Variants in ATP9B observed in about 807,000 individuals in gnomAD.
The protein encoded by ATP9B is ATPase phospholipid transporting 9B.
ATP9B carries 110 observed loss-of-function variants against 146.1 expected under a neutral mutation model. That is an observed-to-expected ratio of 0.75 (90% CI 0.65 to 0.88). The LOEUF is 0.88. Among genes scored for constraint, ATP9B ranks in the 40% least tolerant of loss-of-function variants. The pLI, the probability that ATP9B is intolerant of heterozygous loss-of-function variation, is 0.00. For synonymous variants in ATP9B, 604 were observed against 569.7 expected (o/e 1.06, Z -0.86); for missense variants, 1,499 against 1,496.4 (o/e 1.00, Z -0.03).
chr18:79,374,696 G>A (rs976866624), intron 28 of ATP9B, among the ~76,000 whole-genome samples: 23 of 152,374 alleles, frequency 1.5e-4, no homozygotes, highest in Admixed American at 2.0e-4. Context: ...GAACCTGTAC[G>A]TAGGAAAATG....
chr18:79,312,916 T>G (rs1345770862), intron 15 of ATP9B, among the ~76,000 whole-genome samples: 3 of 152,224 alleles, frequency 2.0e-5, no homozygotes, highest in African/African-American at 7.2e-5. Flanking sequence ...TGGGATCAGT[T>G]GAAGTATTAG....
chr18:79,155,969 A>G (rs1248704597), intron 7 of ATP9B, among the ~76,000 whole-genome samples: 33 of 151,730 alleles, frequency 2.2e-4, no homozygotes, highest in Non-Finnish European at 8.8e-5. Flanking sequence ...TCACCATGTT[A>G]GCCAGGATGG....
intron 6 of ATP9B, among the ~76,000 whole-genome samples, chr18:79,150,652 A>G (rs894724674): frequency 6.6e-6 from 1 of 152,214 alleles, no homozygotes; most frequent in African/African-American, 2.4e-5. Context: ...ATAGAAAATA[A>G]GACAGAATAA....
chr18:79,207,066 G>A, intron 10 of ATP9B, 54 bp downstream of exon 10: 1 of 1,544,970 alleles, frequency 6.5e-7, no homozygotes, highest in South Asian at 1.1e-5. Context: ...ATGATGCTTT[G>A]TTTTGTCCAG....
intron 12 of ATP9B, among the ~76,000 whole-genome samples, chr18:79,272,277 G>A (rs1476697954): frequency 2.6e-5 from 4 of 152,216 alleles, no homozygotes; most frequent in Non-Finnish European, 4.4e-5. Context: ...AGATCAAATA[G>A]CATGCTTCCA....
intron 17 of ATP9B, among the ~76,000 whole-genome samples, chr18:79,335,037 G>A (rs899568946): frequency 4.0e-5 from 6 of 151,854 alleles, no homozygotes; most frequent in Non-Finnish European, 7.4e-5. Flanking sequence ...TGTCCTTCAC[G>A]TCACCACAAC....
intron 20 of ATP9B, chr18:79,344,037 T>C (rs1485169606): frequency 3.5e-6 from 2 of 576,974 alleles, no homozygotes; most frequent in Non-Finnish European, 6.2e-6. Context: ...CTGCTTGCAG[T>C]TGCCACAAAT....
At chr18:79,200,145 C>A (rs2095454719) in intron 9 of ATP9B, among the ~76,000 whole-genome samples, 2 of 152,178 alleles carry the variant, frequency 1.3e-5, no homozygotes, top group African/African-American at 4.8e-5. Context: ...CCACCGTCAC[C>A]ACAAACACGT....
intron 29 of ATP9B, 121 bp from the exon 30 acceptor site, chr18:79,377,126 C>G: frequency 8.4e-7 from 1 of 1,185,162 alleles, no homozygotes; most frequent in Non-Finnish European, 1.2e-6. Context: ...TGTAAATGCA[C>G]AGTGATGTTT....
At chr18:79,327,726 C>G (rs1232949923) in intron 15 of ATP9B, among the ~76,000 whole-genome samples, 1 of 141,304 alleles carries the variant, frequency 7.1e-6, no homozygotes, top group East Asian at 2.2e-4. Context: ...TTAGCGTGCT[C>G]GCCGTGGTTA....
intron 1 of ATP9B, among the ~76,000 whole-genome samples, chr18:79,073,664 C>T (rs900165182): frequency 5.9e-5 from 9 of 151,998 alleles, no homozygotes; most frequent in Non-Finnish European, 8.8e-5. Flanking sequence ...AAGCGGGAGA[C>T]GGAGACGACG....
At chr18:79,195,330 C>G (rs2095408420) in intron 9 of ATP9B, among the ~76,000 whole-genome samples, 1 of 152,172 alleles carries the variant, frequency 6.6e-6, no homozygotes, top group African/African-American at 2.4e-5. Flanking sequence ...TCATTGCAAC[C>G]TCAAACTCCT....
At chr18:79,224,007 A>G (rs1023526297) in intron 11 of ATP9B, among the ~76,000 whole-genome samples, 2 of 152,218 alleles carry the variant, frequency 1.3e-5, no homozygotes, top group African/African-American at 4.8e-5. Flanking sequence ...TCTATCACAG[A>G]AAAGACTTAG....
chr18:79,126,408 T>A, intron 5 of ATP9B, 33 bp downstream of exon 5: 1 of 1,443,142 alleles, frequency 6.9e-7, no homozygotes, highest in Non-Finnish European at 9.6e-7. Flanking sequence ...GCTTAGCGTT[T>A]GCTTACTGTA....
intron 25 of ATP9B, among the ~76,000 whole-genome samples, chr18:79,349,894 A>ACCCCCCCCCCCCCCCCCCCCCCCCC (rs33953089): frequency 8.7e-6 from 1 of 114,704 alleles, no homozygotes; most frequent in Admixed American, 9.3e-5. Context: ...GAGGCCCCGC[A>ACCCCCCCCCCCCCCCCCCCCCCCCC]CCCCCCCCCC....
Position 79,307,126 on chromosome 18 carries a change from C to G in ATP9B, c.1665C>G (p.Thr555=), listed in dbSNP as rs1217429923. The change falls in exon 15 of 30, where the codon ACC becomes ACG. Residue 555 remains threonine, a synonymous_variant. Transcript: ENST00000426216. ...CCATCGTGCTGTGTCACAACGTGAC[C>G]CCCGTGTATGAGTCTCGGGCCGGCG... ...VKAIVLCHNV[T]PVYESRAGVT... 7 of 1,614,062 alleles carry G rather than the reference C, an allele frequency of 4.3e-6. No individual in the cohort carries two copies. The African/African-American group carries it at 8.0e-5, about 18-fold the overall frequency.
At chr18:79,083,439 G>T (rs956825809) in intron 1 of ATP9B, among the ~76,000 whole-genome samples, 1 of 152,130 alleles carries the variant, frequency 6.6e-6, no homozygotes, top group South Asian at 2.1e-4. Context: ...GGCATTCCAG[G>T]CGCCACTGGG....
intron 13 of ATP9B, among the ~76,000 whole-genome samples, chr18:79,282,060 G>A (rs944040121): frequency 2.0e-5 from 3 of 152,236 alleles, no homozygotes; most frequent in Non-Finnish European, 4.4e-5. Context: ...AGCCGCAGGT[G>A]TGGTGAAAAT....
chr18:79,303,604 G>T lies in ATP9B; in HGVS notation c.1412G>T (p.Gly471Val). ...TTTGCTGTTGTCCCCTTTATCCTAG[G>T]AACCCTCACCCAGAATGAAATGATA... ...RLVYLLTDKT[G>V]TLTQNEMIFK... Residue 471 changes from glycine (G) to valine (V), a missense_variant and splice_region_variant, in exon 14 of 30, where the codon GGA (glycine) becomes GTA (valine). Coordinates refer to ENST00000426216, the MANE Select transcript of ATP9B (RefSeq NM_198531.5). The T allele has an allele frequency of 6.2e-7, 1 of 1,613,452 alleles. No individual in the cohort carries two copies. The highest frequency in any genetic ancestry group is 8.5e-7 in the Non-Finnish European group (1 of 1,179,604).
Sources: gnomAD v4.1 joint callset for allele counts (sites outside exome capture counted in the v4.1 genomes callset) on GRCh38, gnomAD v4.1.1 for gene constraint, MANE v1.5 for transcripts, NCBI Gene and HGNC (gene_info 2026-07-23, HGNC 2026-07-21) for gene names.